The following OR51B5 variants were observed in gnomAD, a reference collection of about 807,000 sequenced individuals.
OR51B5 encodes olfactory receptor 51B5.
For missense variants in OR51B5, 456 were observed against 374.6 expected, an observed-to-expected ratio of 1.22 and a Z score of -1.79; for synonymous variants, 186 against 144.8, an observed-to-expected ratio of 1.28 and a Z score of -2.04.
At chr11:5,350,584 T>C (rs565443345) in intron 1 of OR51B5, among the ~76,000 whole-genome samples, 27 of 152,142 alleles carry the variant, frequency 1.8e-4, no homozygotes, top group Non-Finnish European at 2.8e-4. Flanking sequence ...TCAGATTCCA[T>C]AGTTTTAAAA....
At chr11:5,483,718 C>T (rs776465799) in intron 1 of OR51B5, among the ~76,000 whole-genome samples, 2 of 151,930 alleles carry the variant, frequency 1.3e-5, no homozygotes, top group Non-Finnish European at 2.9e-5. Context: ...CTTATCTTTC[C>T]CTCAATAGAT....
intron 1 of OR51B5, among the ~76,000 whole-genome samples, chr11:5,372,448 A>G (rs999779472): frequency 6.6e-6 from 1 of 152,012 alleles, no homozygotes; most frequent in Admixed American, 6.6e-5. Flanking sequence ...GTCTTTTTTG[A>G]TAATAGCCAT....
chr11:5,456,978 A>G (rs1850969285), intron 1 of OR51B5, among the ~76,000 whole-genome samples: 1 of 152,150 alleles, frequency 6.6e-6, no homozygotes, highest in Non-Finnish European at 1.5e-5. Flanking sequence ...TTCCACAGTG[A>G]TTTTAAGTTT....
intron 1 of OR51B5, among the ~76,000 whole-genome samples, chr11:5,394,071 C>A (rs1225487054): frequency 1.3e-5 from 2 of 151,962 alleles, no homozygotes; most frequent in East Asian, 3.9e-4. Flanking sequence ...GTATTAAATA[C>A]TTTTTAATAG....
intron 1 of OR51B5, among the ~76,000 whole-genome samples, chr11:5,405,124 G>A (rs951426499): frequency 5.9e-5 from 9 of 152,078 alleles, no homozygotes; most frequent in Admixed American, 2.0e-4. Flanking sequence ...GATGTAAAGC[G>A]TTTATACTTA....
chr11:5,477,751 G>A (rs1440291848), intron 1 of OR51B5, among the ~76,000 whole-genome samples: 10 of 152,260 alleles, frequency 6.6e-5, no homozygotes, highest in Non-Finnish European at 8.8e-5. Flanking sequence ...AAGGGGTGAC[G>A]GACGCACCTG....
chr11:5,502,012 C>G (rs1383494503), intron 1 of OR51B5, among the ~76,000 whole-genome samples: 2 of 152,034 alleles, frequency 1.3e-5, no homozygotes, highest in Non-Finnish European at 2.9e-5. Flanking sequence ...TGAATTTCTC[C>G]CTTTCTTTAA....
intron 1 of OR51B5, among the ~76,000 whole-genome samples, chr11:5,449,029 A>T (rs1850808112): frequency 6.6e-6 from 1 of 152,242 alleles, no homozygotes; most frequent in Non-Finnish European, 1.5e-5. Context: ...GGGCTTGGTC[A>T]TCATCACATA....
At chr11:5,452,384 T>C (rs1330461915) in intron 1 of OR51B5, among the ~76,000 whole-genome samples, 1 of 151,728 alleles carries the variant, frequency 6.6e-6, no homozygotes, top group Non-Finnish European at 1.5e-5. Flanking sequence ...CGGGAGCCTG[T>C]AGTCCCAACT....
chr11:5,503,054 G>A (rs187236026), intron 1 of OR51B5, among the ~76,000 whole-genome samples: 21 of 152,256 alleles, frequency 1.4e-4, no homozygotes, highest in Admixed American at 9.8e-4. Flanking sequence ...ACTATGCACA[G>A]TACAATCATA....
At chr11:5,423,292 A>T (rs573460959) in intron 1 of OR51B5, 1 of 1,170,118 alleles carries the variant, frequency 8.5e-7, no homozygotes, top group Non-Finnish European at 1.2e-6. Flanking sequence ...TTTAGCATGG[A>T]ATTTTTGGCT....
At chr11:5,352,425 T>C in intron 1 of OR51B5, 1 of 1,596,654 alleles carries the variant, frequency 6.3e-7, no homozygotes, top group Non-Finnish European at 8.5e-7. Flanking sequence ...GTTTATTCTC[T>C]CTGCCTCACT....
At chr11:5,389,703 A>T (rs778490793) in intron 1 of OR51B5, 4 of 1,613,744 alleles carry the variant, frequency 2.5e-6, no homozygotes, top group Non-Finnish European at 3.4e-6. Context: ...TTTAACTCCC[A>T]TAGTATCTAC....
At chr11:5,459,441 C>T (rs983900685) in intron 1 of OR51B5, among the ~76,000 whole-genome samples, 1 of 152,058 alleles carries the variant, frequency 6.6e-6, no homozygotes, top group Non-Finnish European at 1.5e-5. Flanking sequence ...TGTATCTCTG[C>T]CAGGTTTTGT....
chr11:5,487,944 T>C (rs1308993885), intron 1 of OR51B5, among the ~76,000 whole-genome samples: 1 of 152,218 alleles, frequency 6.6e-6, no homozygotes, highest in Non-Finnish European at 1.5e-5. Context: ...CCTAGCCTCT[T>C]CATAGGCACT....
chr11:5,401,371 G>C (rs2133740842), intron 1 of OR51B5, among the ~76,000 whole-genome samples: 1 of 152,298 alleles, frequency 6.6e-6, no homozygotes, highest in South Asian at 2.1e-4. Context: ...ACGAACGTAG[G>C]TTCCTTCTCC....
Position 5,502,227 on chromosome 11 carries a change from C to G in OR51B5, n.84+3342G>C, listed in dbSNP as rs964009408. ...TTCATTCTCTGTGTAAGTTGAGAAT[C>G]AATGTCTCTACATGGGTGACAAAGC... On this transcript the variant is annotated intron_variant and non_coding_transcript_variant, in intron 1 of 4. Coordinates refer to the OR51B5 transcript ENST00000415970. Among the ~76,000 whole-genome samples, 18 of 152,248 alleles carry G rather than the reference C, an allele frequency of 1.2e-4. 1 individual carries two copies. Among genetic ancestry groups the G allele is most frequent in the African/African-American group, 4.3e-4 (18 of 41,558 alleles).
At chr11:5,382,719 C>A (rs1390959019) in intron 1 of OR51B5, among the ~76,000 whole-genome samples, 1 of 152,184 alleles carries the variant, frequency 6.6e-6, no homozygotes, top group African/African-American at 2.4e-5. Flanking sequence ...AGACATCCTG[C>A]TCTCTGCATC....
Position 5,356,715 on chromosome 11 carries a change from G to C in OR51B5, n.85-9805C>G, listed in dbSNP as rs1176085783. Among the ~76,000 whole-genome samples the C allele has an allele frequency of 1.6e-5, 2 of 124,444 alleles. 1 individual carries two copies. Among genetic ancestry groups the C allele is most frequent in the Non-Finnish European group, 3.6e-5 (2 of 55,620 alleles). 81.6% of individuals were successfully genotyped at this position (124,444 alleles called of 152,430 possible). ...TGAAATGAAGGGAAAAATGTTAAGG[G>C]TAGCCAGAGAGAAAGGTCGGGTTAC... On this transcript the variant is annotated intron_variant and non_coding_transcript_variant, in intron 1 of 4. Coordinates refer to the OR51B5 transcript ENST00000415970.
Sources: gnomAD v4.1 joint callset for allele counts (sites outside exome capture counted in the v4.1 genomes callset) on GRCh38, gnomAD v4.1.1 for gene constraint, MANE v1.5 for transcripts, NCBI Gene and HGNC (gene_info 2026-07-23, HGNC 2026-07-21) for gene names.